WDR36: variants seen among roughly 807,000 people sequenced by gnomAD.
WDR36 encodes WD repeat domain 36, also known as WD repeat-containing protein 36.
WDR36 carries 63 observed loss-of-function variants against 112.7 expected under a neutral mutation model. The observed-to-expected ratio is 0.56, with a 90% confidence interval of 0.46 to 0.69. The LOEUF is 0.69. Ranked by LOEUF, WDR36 falls within the 30% of genes least tolerant of loss-of-function variation. The pLI is 0.00. For synonymous variants in WDR36, 410 were observed against 362.2 expected, an observed-to-expected ratio of 1.13 and a Z score of -1.50; for missense variants, 1,226 against 1,070.3, an observed-to-expected ratio of 1.15 and a Z score of -2.03.
chr5:111,119,001 T>C lies in WDR36; in HGVS notation c.1797-12T>C, dbSNP rs779627277. 1 of 1,600,022 alleles carries C rather than the reference T, an allele frequency of 6.2e-7. No individual in the cohort carries two copies. The highest frequency in any genetic ancestry group is 2.2e-5 in the East Asian group (1 of 44,748). On this transcript the variant is annotated splice_polypyrimidine_tract_variant and intron_variant, in intron 16 of 22. Coordinates refer to ENST00000513710, the MANE Select transcript of WDR36 (RefSeq NM_139281.3). ...AGTTCAAATACTTTTAACATGTTAA[T>C]TATTTCTGTAGCCTTATAGACTGCT... is the stretch of plus-strand genomic sequence containing the variant.
rs926047656 is a variant in WDR36, at chr5:111,128,678, G to A, written c.*1795G>A. 1.0e-4 allele frequency: 19 copies of A among 182,338 alleles called. No individual in the cohort carries two copies. Among genetic ancestry groups the A allele is most frequent in the African/African-American group, 4.2e-4 (18 of 42,628 alleles). 11.3% of individuals were successfully genotyped at this position (182,338 alleles called of 1,614,324 possible). ...TAAAGACTTAAGTGTATTGTTACCA[G>A]AGATATATTTAGATAGAATACATCA... On this transcript the variant is annotated 3_prime_UTR_variant, in exon 23 of 23. Coordinates refer to ENST00000513710, the MANE Select transcript of WDR36 (RefSeq NM_139281.3).
At chr5:111,126,010 A>G (rs546142948) in intron 22 of WDR36, among the ~76,000 whole-genome samples, 3 of 152,306 alleles carry the variant, frequency 2.0e-5, no homozygotes, top group Admixed American at 6.5e-5. Flanking sequence ...TTAAATTTAA[A>G]TAACCGCATG....
In WDR36 at chr5:111,121,460, C is replaced by T. The variant is rs17624673; in HGVS notation, c.2148+319C>T. Among the ~76,000 whole-genome samples, 38,007 of 151,912 alleles carry T rather than the reference C, an allele frequency of 0.25. 5,751 individuals are homozygous for T. Among genetic ancestry groups the T allele is most frequent in the Non-Finnish European group, 0.34 (23,212 of 67,862 alleles). On this transcript the variant is annotated intron_variant, in intron 19 of 22. Coordinates refer to ENST00000513710, the MANE Select transcript of WDR36 (RefSeq NM_139281.3). ...CTTTTATATAAGTTTCTAAAACGAGCGGGAACACATATGGCTATTATAACA... is the reference window on the plus strand; with the variant it reads ...CTTTTATATAAGTTTCTAAAACGAGTGGGAACACATATGGCTATTATAACA...
chr5:111,111,295 C>G lies in WDR36; in HGVS notation c.1716+17C>G. 1 of 1,591,146 alleles carries G rather than the reference C, an allele frequency of 6.3e-7. No individual in the cohort carries two copies. Among genetic ancestry groups the G allele is most frequent in the Middle Eastern group, 1.7e-4 (1 of 5,996 alleles). On this transcript the variant is annotated intron_variant, in intron 15 of 22. Coordinates refer to ENST00000513710, the MANE Select transcript of WDR36 (RefSeq NM_139281.3). ...AATGACATGGTAAAACAAACTCTAA[C>G]TAATAAAACTTGACTCATTTCTACT...
chr5:111,099,441 GTTTTT>G (rs1234302447), intron 4 of WDR36, among the ~76,000 whole-genome samples: 1 of 98,204 alleles, frequency 1.0e-5, no homozygotes, highest in African/African-American at 4.2e-5. Flanking sequence ...TTGCCTCTTG[GTTTTT>G]TTTTGTTTTT....
chr5:111,115,141 A>G (rs1214647670), intron 16 of WDR36, among the ~76,000 whole-genome samples: 1 of 152,224 alleles, frequency 6.6e-6, no homozygotes, highest in African/African-American at 2.4e-5. Context: ...GTGTAGCACA[A>G]GAGCAAGAAG....
At chr5:111,104,558 C>T (rs1753186716) in intron 8 of WDR36, 139 bp from the exon 9 acceptor site, 1 of 1,404,552 alleles carries the variant, frequency 7.1e-7, no homozygotes, top group Admixed American at 1.7e-5. Context: ...CCCCAATACC[C>T]ACTCCCTCCC....
At position 111,121,321 on chromosome 5, in the gene WDR36, C is replaced by CAT. The variant is rs1402834979; in HGVS notation, c.2148+189_2148+190dup. Among the ~76,000 whole-genome samples, 11 of 152,060 alleles carry CAT rather than the reference C, an allele frequency of 7.2e-5. No homozygotes were observed. In the South Asian group the frequency reaches 1.0e-3, roughly 14 times the overall value. ...TATGGTATGATTATCACAAGATATT[C>CAT]ATATATATATCAACTTTGAGAACAC... On this transcript the variant is annotated intron_variant, in intron 19 of 22. Coordinates refer to ENST00000513710, the MANE Select transcript of WDR36 (RefSeq NM_139281.3).
At chr5:111,100,757 C>G in intron 5 of WDR36, 36 bp downstream of exon 5, 1 of 1,586,730 alleles carries the variant, frequency 6.3e-7, no homozygotes, top group Admixed American at 1.7e-5. Flanking sequence ...ATAGCTGTCA[C>G]CTTATCCTCA....
At chr5:111,099,751 T>G (rs1238875589) in intron 4 of WDR36, among the ~76,000 whole-genome samples, 1 of 151,990 alleles carries the variant, frequency 6.6e-6, no homozygotes, top group Non-Finnish European at 1.5e-5. Flanking sequence ...AAAATAGCAT[T>G]CAAAGTAAAG....
At chr5:111,108,297 G>A (rs930338544) in intron 12 of WDR36, among the ~76,000 whole-genome samples, 5 of 150,904 alleles carry the variant, frequency 3.3e-5, no homozygotes, top group Admixed American at 2.7e-4. Flanking sequence ...TTCATTGAGA[G>A]TGTATCAAAA....
intron 12 of WDR36, among the ~76,000 whole-genome samples, 186 bp from the exon 13 acceptor site, chr5:111,110,003 G>A (rs1753294280): frequency 6.6e-6 from 1 of 151,286 alleles, no homozygotes; most frequent in South Asian, 2.1e-4. Flanking sequence ...AATGGAGATA[G>A]AATCTAGCAT....
intron 19 of WDR36, among the ~76,000 whole-genome samples, chr5:111,122,599 T>C (rs1437782528): frequency 2.0e-5 from 3 of 152,156 alleles, no homozygotes; most frequent in African/African-American, 7.2e-5. Context: ...ATGGTAACTG[T>C]GACTCATAAC....
Position 111,102,352 on chromosome 5 carries a change from C to G in WDR36, c.550C>G (p.Leu184Val), listed in dbSNP as rs372105410. 99 of 1,607,506 alleles carry G rather than the reference C, an allele frequency of 6.2e-5. No homozygotes were observed. In the East Asian group the frequency reaches 1.9e-3, roughly 30 times the overall value. ...QLWNVKSNKL[L>V]YTFPGWKVGV... ...CTATTTTTCTTCTTGTAGTAAACTT[C>G]TATATACATTTCCAGGATGGAAAGT... The change falls in exon 6 of 23, where the codon CTA (leucine) becomes GTA (valine). Residue 184 changes from leucine to valine, a missense_variant. Transcript: ENST00000513710.
intron 3 of WDR36, among the ~76,000 whole-genome samples, chr5:111,097,880 G>A (rs2112565401): frequency 6.6e-6 from 1 of 152,368 alleles, no homozygotes; most frequent in Middle Eastern, 3.4e-3. Context: ...TCCTGTGGCA[G>A]AGGAAGGTAA....
At chr5:111,103,362 A>G (rs1262638891) in intron 6 of WDR36, among the ~76,000 whole-genome samples, 2 of 151,866 alleles carry the variant, frequency 1.3e-5, no homozygotes, top group South Asian at 4.1e-4. Context: ...TGGATAAGCA[A>G]TTCTTCACTT....
chr5:111,098,677 T>C, intron 3 of WDR36, 45 bp from the exon 4 acceptor site: 1 of 1,208,310 alleles, frequency 8.3e-7, no homozygotes, highest in Non-Finnish European at 1.2e-6. Context: ...TATGACATGA[T>C]GACTGAGTAA....
In WDR36 at chr5:111,092,397, G is replaced by A; in HGVS notation, c.-60G>A. The A allele has an allele frequency of 1.2e-6, 2 of 1,614,244 alleles. No individual in the cohort carries two copies. Among genetic ancestry groups the A allele is most frequent in the Non-Finnish European group, 1.7e-6 (2 of 1,180,048 alleles). ...GACTGTTCCACTAGACACGCTGAAG[G>A]GACTGGGTACGTGTTTTCCTTCAGG... On this transcript the variant is annotated 5_prime_UTR_variant, in exon 1 of 23. Coordinates refer to ENST00000513710, the MANE Select transcript of WDR36 (RefSeq NM_139281.3).
intron 16 of WDR36, among the ~76,000 whole-genome samples, chr5:111,116,441 G>A (rs1159341580): frequency 6.6e-6 from 1 of 152,152 alleles, no homozygotes; most frequent in African/African-American, 2.4e-5. Context: ...TGTGGAAGGT[G>A]ATTTTAGCAC....
Sources: allele counts gnomAD v4.1 joint callset (sites outside exome capture counted in the v4.1 genomes callset), GRCh38; gene constraint gnomAD v4.1.1; transcripts MANE v1.5; gene names NCBI Gene and HGNC (gene_info 2026-07-23, HGNC 2026-07-21).